The following CDKAL1 variants were observed in gnomAD, a reference collection of about 807,000 sequenced individuals.
The protein encoded by CDKAL1 is CDKAL1 threonylcarbamoyladenosine tRNA methylthiotransferase.
Under a neutral mutation model 68.2 loss-of-function variants are expected in CDKAL1, and 32 were observed. That is an observed-to-expected ratio of 0.47 (90% CI 0.35 to 0.63). CDKAL1 has a LOEUF of 0.63. CDKAL1 is among the 30% of genes least tolerant of loss of function. CDKAL1 has a pLI of 0.00. For synonymous variants in CDKAL1, 234 were observed against 244.3 expected, an observed-to-expected ratio of 0.96 and a Z score of 0.39; for missense variants, 606 against 696.7, an observed-to-expected ratio of 0.87 and a Z score of 1.47.
At chr6:20,805,574 A>G (rs1186443485) in intron 8 of CDKAL1, among the ~76,000 whole-genome samples, 5 of 152,242 alleles carry the variant, frequency 3.3e-5, no homozygotes, top group Non-Finnish European at 7.3e-5. Context: ...TTATGTGGTA[A>G]CTATAGCTGT....
intron 6 of CDKAL1, among the ~76,000 whole-genome samples, chr6:20,743,180 C>T (rs1363216718): frequency 5.9e-5 from 9 of 152,068 alleles, no homozygotes; most frequent in African/African-American, 1.9e-4. Context: ...TTGTATTGCA[C>T]GATTGAGTAA....
intron 9 of CDKAL1, among the ~76,000 whole-genome samples, chr6:20,846,682 A>G (rs1778386928): frequency 6.6e-6 from 1 of 152,232 alleles, no homozygotes; most frequent in African/African-American, 2.4e-5. Context: ...AAAGATTGGT[A>G]CTGGGGGAGA....
At chr6:20,911,538 A>G (rs1187956828) in intron 9 of CDKAL1, among the ~76,000 whole-genome samples, 1 of 152,242 alleles carries the variant, frequency 6.6e-6, no homozygotes, top group Non-Finnish European at 1.5e-5. Flanking sequence ...AATTTTACCA[A>G]GAATTAAAGG....
chr6:20,778,919 G>A (rs1425316174), intron 7 of CDKAL1, among the ~76,000 whole-genome samples: 1 of 152,122 alleles, frequency 6.6e-6, no homozygotes, highest in Non-Finnish European at 1.5e-5. Flanking sequence ...TCACAGAGAC[G>A]TTCAGAATAA....
chr6:21,121,878 A>G (rs1026220009), intron 13 of CDKAL1, among the ~76,000 whole-genome samples: 7 of 152,184 alleles, frequency 4.6e-5, no homozygotes, highest in African/African-American at 1.7e-4. Flanking sequence ...AAACTTCAGC[A>G]AAGTGTGTAT....
chr6:20,759,243 T>G (rs1163979645), intron 7 of CDKAL1, among the ~76,000 whole-genome samples: 2 of 152,136 alleles, frequency 1.3e-5, no homozygotes, highest in Non-Finnish European at 2.9e-5. Flanking sequence ...TTTAATCAAT[T>G]TTAAGATAAA....
chr6:20,537,652 A>G (rs912778630), intron 2 of CDKAL1, among the ~76,000 whole-genome samples: 10 of 150,038 alleles, frequency 6.7e-5, no homozygotes, highest in Non-Finnish European at 1.0e-4. Context: ...TAACTCACCT[A>G]TGTAAGTAAC....
intron 9 of CDKAL1, among the ~76,000 whole-genome samples, chr6:20,923,282 G>T (rs1763042678): frequency 6.6e-6 from 1 of 152,046 alleles, no homozygotes. Flanking sequence ...ATTTTGCTTT[G>T]TAGATATTGT....
At chr6:20,818,146 T>C (rs930392457) in intron 8 of CDKAL1, among the ~76,000 whole-genome samples, 1 of 152,162 alleles carries the variant, frequency 6.6e-6, no homozygotes, top group Non-Finnish European at 1.5e-5. Flanking sequence ...ATGTCTTTTT[T>C]GGTCTTGGGA....
intron 6 of CDKAL1, among the ~76,000 whole-genome samples, chr6:20,747,072 C>T (rs1773694295): frequency 6.6e-6 from 1 of 152,098 alleles, no homozygotes; most frequent in African/African-American, 2.4e-5. Context: ...AAAGCTTTTA[C>T]ACACAATTGA....
intron 4 of CDKAL1, among the ~76,000 whole-genome samples, chr6:20,597,645 C>T (rs1490685314): frequency 6.6e-6 from 1 of 150,800 alleles, no homozygotes; most frequent in African/African-American, 2.4e-5. Flanking sequence ...AAACTCCTGG[C>T]CTCAAGCAAT....
At position 20,718,874 on chromosome 6, in the gene CDKAL1, G is replaced by A. The variant is rs142160021; in HGVS notation, c.372-20645G>A. Among the ~76,000 whole-genome samples, 1,181 of 152,146 alleles carry A rather than the reference G, an allele frequency of 7.8e-3. 13 individuals are homozygous for A. Among genetic ancestry groups the A allele is most frequent in the African/African-American group, 0.026 (1,073 of 41,486 alleles). On this transcript the variant is annotated intron_variant, in intron 5 of 15. Transcript: ENST00000274695. ...TGGAAAAGAAAAAATGTCTAATGACGTCATCTACTACTGTGGTATTTCTTC... is the reference window on the plus strand; with the variant it reads ...TGGAAAAGAAAAAATGTCTAATGACATCATCTACTACTGTGGTATTTCTTC...
intron 9 of CDKAL1, among the ~76,000 whole-genome samples, chr6:20,873,915 G>A (rs1005798359): frequency 2.0e-5 from 3 of 152,164 alleles, no homozygotes; most frequent in Non-Finnish European, 4.4e-5. Context: ...TGAAAGAATC[G>A]AAGTAGCTAA....
chr6:20,695,268 G>T (rs927104431), intron 5 of CDKAL1, among the ~76,000 whole-genome samples: 1 of 152,078 alleles, frequency 6.6e-6, no homozygotes, highest in South Asian at 2.1e-4. Flanking sequence ...GGAGTATCCA[G>T]AATTATTTCC....
rs371710309 is a variant in CDKAL1, at chr6:20,813,712, C to A, written c.639-32363C>A. Among the ~76,000 whole-genome samples, 27 of 152,158 alleles carry A rather than the reference C, an allele frequency of 1.8e-4. 1 individual carries two copies. The highest frequency in any genetic ancestry group is 5.8e-4 in the African/African-American group (24 of 41,528). On this transcript the variant is annotated intron_variant, in intron 8 of 15. Transcript: ENST00000274695. ...CATTTGTTGAAAGATAATCCTTTCC[C>A]TTTGTCTTGGAACACTGTCGATACT...
intron 11 of CDKAL1, among the ~76,000 whole-genome samples, chr6:21,059,890 G>GT (rs1211165899): frequency 6.6e-6 from 1 of 151,996 alleles, no homozygotes; most frequent in African/African-American, 2.4e-5. Flanking sequence ...CTGATGTGTG[G>GT]TTTTTTTATC....
intron 7 of CDKAL1, among the ~76,000 whole-genome samples, chr6:20,770,260 A>T (rs577627465): frequency 6.6e-6 from 1 of 152,178 alleles, no homozygotes; most frequent in South Asian, 2.1e-4. Context: ...CGTATTCCCT[A>T]ACTATAAGCA....
At chr6:20,877,233 G>A (rs568620734) in intron 9 of CDKAL1, among the ~76,000 whole-genome samples, 5 of 152,180 alleles carry the variant, frequency 3.3e-5, no homozygotes, top group South Asian at 2.1e-4. Flanking sequence ...TAGCAATTAC[G>A]ACTGAGGGAT....
chr6:20,936,991 T>G (rs1342945565), intron 9 of CDKAL1, among the ~76,000 whole-genome samples: 2 of 152,226 alleles, frequency 1.3e-5, no homozygotes, highest in Non-Finnish European at 2.9e-5. Context: ...TTTTCTTCCT[T>G]GTTTGCTTTT....
Sources: gnomAD v4.1 joint callset for allele counts (sites outside exome capture counted in the v4.1 genomes callset) on GRCh38, gnomAD v4.1.1 for gene constraint, MANE v1.5 for transcripts, NCBI Gene and HGNC (gene_info 2026-07-23, HGNC 2026-07-21) for gene names.